Variants in WDPCP observed in about 807,000 individuals in gnomAD.
The protein encoded by WDPCP is WD repeat-containing and planar cell polarity effector protein fritz homolog.
Under a neutral mutation model 93.1 loss-of-function variants are expected in WDPCP, and 71 were observed. The ratio of observed to expected loss-of-function variants is 0.76; its 90% CI spans 0.63 to 0.93. The LOEUF (loss-of-function observed/expected upper bound fraction) is 0.93, where lower values mean the gene tolerates loss of function less well. WDPCP is among the 40% of genes least tolerant of loss of function. WDPCP has a pLI of 0.00. For missense variants in WDPCP, 844 were observed against 887.4 expected (o/e 0.95, Z 0.62); for synonymous variants, 315 against 315.0 (o/e 1.00, Z 0.00).
chr2:63,324,607 G>C lies in WDPCP; in HGVS notation c.1749-11296C>G, dbSNP rs1687383882. 2.0e-5 allele frequency among the ~76,000 whole-genome samples: 3 copies of C among 152,224 alleles called. No individual in the cohort carries two copies. The South Asian group carries it at 6.2e-4, about 32-fold the overall frequency. On this transcript the variant is annotated intron_variant, in intron 12 of 17. Transcript: ENST00000272321. The stretch of plus-strand genomic sequence containing the variant: ...TTGGAAAGATGTCATGCTTTTGTTA[G>C]ATCAAACCCTGGCCTTTAATGAAAA...
intron 6 of WDPCP, among the ~76,000 whole-genome samples, chr2:63,465,685 T>C (rs1699301141): frequency 1.3e-5 from 2 of 152,154 alleles, no homozygotes; most frequent in African/African-American, 2.4e-5. Flanking sequence ...TACTAACAAG[T>C]TGTGTGTACT....
intron 12 of WDPCP, among the ~76,000 whole-genome samples, chr2:63,353,912 T>G (rs544796839): frequency 8.3e-4 from 127 of 152,142 alleles, no homozygotes; most frequent in African/African-American, 3.0e-3. Context: ...TGGTTGCCCA[T>G]TCCCATATCT....
At chr2:63,569,130 T>C (rs555918438) in intron 1 of WDPCP, among the ~76,000 whole-genome samples, 3 of 152,256 alleles carry the variant, frequency 2.0e-5, no homozygotes, top group South Asian at 2.1e-4. Context: ...GAAAACAACA[T>C]AGATGACTCT....
chr2:63,467,488 A>G (rs1056463429), intron 6 of WDPCP, among the ~76,000 whole-genome samples: 1 of 151,306 alleles, frequency 6.6e-6, no homozygotes, highest in Non-Finnish European at 1.5e-5. Context: ...ACAAACAAAC[A>G]AAAGAAAATG....
intron 3 of WDPCP, chr2:63,643,587 G>A: frequency 4.6e-6 from 2 of 434,276 alleles, no homozygotes; most frequent in Non-Finnish European, 9.0e-6. Context: ...TCACCTTGAT[G>A]AGGGGATCAG....
chr2:63,243,071 G>A (rs997350500), intron 14 of WDPCP, among the ~76,000 whole-genome samples: 2 of 152,326 alleles, frequency 1.3e-5, no homozygotes, highest in African/African-American at 4.8e-5. Flanking sequence ...TTGTTTTACA[G>A]TAGCTTAGAC....
chr2:63,439,180 T>C (rs958459091), intron 7 of WDPCP, among the ~76,000 whole-genome samples: 2 of 152,176 alleles, frequency 1.3e-5, no homozygotes, highest in Non-Finnish European at 2.9e-5. Flanking sequence ...GTATCCTTCC[T>C]ATTCAATAAC....
intron 1 of WDPCP, among the ~76,000 whole-genome samples, chr2:63,561,425 C>T (rs780435242): frequency 6.6e-6 from 1 of 151,680 alleles, no homozygotes; most frequent in Non-Finnish European, 1.5e-5. Flanking sequence ...TTACAGTGAG[C>T]CAAGATCATG....
chr2:63,252,549 T>C (rs977348772), intron 14 of WDPCP, among the ~76,000 whole-genome samples: 1 of 152,210 alleles, frequency 6.6e-6, no homozygotes, highest in Non-Finnish European at 1.5e-5. Flanking sequence ...AGAAGACTCC[T>C]AGACCTGAAA....
chr2:63,599,403 A>G (rs1455322429), intron 3 of WDPCP: 7 of 1,060,172 alleles, frequency 6.6e-6, no homozygotes, highest in Non-Finnish European at 9.2e-6. Context: ...TTTGTTTAGT[A>G]GGAACCTATT....
chr2:63,811,240 C>T (rs1025017122), intron 2 of WDPCP, among the ~76,000 whole-genome samples: 3 of 152,216 alleles, frequency 2.0e-5, no homozygotes, highest in South Asian at 4.1e-4. Flanking sequence ...TCATACCTCT[C>T]TGAGTGTGGG....
chr2:63,723,055 A>C (rs934298382), intron 2 of WDPCP, among the ~76,000 whole-genome samples: 3 of 152,186 alleles, frequency 2.0e-5, no homozygotes, highest in Non-Finnish European at 4.4e-5. Flanking sequence ...GCGGTGCAAG[A>C]TGTGCTTTGT....
rs1053471602 is a variant in WDPCP, at chr2:63,471,946, T to A, written c.384+12658A>T. 2.4e-4 allele frequency among the ~76,000 whole-genome samples: 36 copies of A among 152,238 alleles called. 1 individual carries two copies. Among genetic ancestry groups the A allele is most frequent in the East Asian group, 5.8e-4 (3 of 5,188 alleles). On this transcript the variant is annotated intron_variant, in intron 6 of 17. Coordinates refer to ENST00000272321, the MANE Select transcript of WDPCP (RefSeq NM_015910.7). ...GAATGACAATTTAGAATTTTTTTTTTAATTATTATTATACTTTAAGTTTTA... is the reference window on the plus strand; with the variant it reads ...GAATGACAATTTAGAATTTTTTTTTAAATTATTATTATACTTTAAGTTTTA...
At chr2:63,314,848 G>A (rs1168365388) in intron 12 of WDPCP, among the ~76,000 whole-genome samples, 1 of 152,098 alleles carries the variant, frequency 6.6e-6, no homozygotes, top group Non-Finnish European at 1.5e-5. Context: ...TGTCTAACAT[G>A]TTCACTGAAA....
intron 12 of WDPCP, among the ~76,000 whole-genome samples, chr2:63,361,937 T>A (rs1234337316): frequency 1.3e-5 from 2 of 152,158 alleles, no homozygotes; most frequent in Non-Finnish European, 2.9e-5. Flanking sequence ...TCCCACTTTT[T>A]AAAAATTGAT....
chr2:63,295,131 T>C (rs561866117), intron 13 of WDPCP, among the ~76,000 whole-genome samples: 2 of 151,900 alleles, frequency 1.3e-5, no homozygotes, highest in African/African-American at 4.8e-5. Flanking sequence ...CCATGATAAC[T>C]GCAAAGAAAA....
In WDPCP at chr2:63,753,361, G is replaced by A. The variant is rs569475103; in HGVS notation, n.308+60261C>T. Among the ~76,000 whole-genome samples the A allele has an allele frequency of 1.3e-4, 20 of 152,228 alleles. No homozygotes were observed. The South Asian group carries it at 2.5e-3, about 19-fold the overall frequency. On this transcript the variant is annotated intron_variant and non_coding_transcript_variant, in intron 2 of 4. Transcript: ENST00000467687. ...GAAGGATCACTTGAACCCAGGAGGC[G>A]GAGGTTGCAGTGAGCCAAGATTGCG...
In WDPCP at chr2:63,119,674, T is replaced by C. The variant is rs958756487; in HGVS notation, c.*2332A>G. The stretch of plus-strand genomic sequence containing the variant: ...TCTGGAAAATAGTTGAAAAAGCTCA[T>C]GGGTCTATTCCTAAAGGACAACCTG... On this transcript the variant is annotated 3_prime_UTR_variant, in exon 18 of 18. Coordinates refer to ENST00000272321, the MANE Select transcript of WDPCP (RefSeq NM_015910.7). 2 of 152,194 alleles carry C rather than the reference T, an allele frequency of 1.3e-5. No individual in the cohort carries two copies. Among genetic ancestry groups the C allele is most frequent in the African/African-American group, 2.4e-5 (1 of 41,448 alleles). The allele number at this position is 152,194 out of a possible 1,614,324, so 9.4% of individuals were successfully genotyped here.
chr2:63,254,072 C>G (rs1039618532), intron 14 of WDPCP, among the ~76,000 whole-genome samples: 3 of 152,182 alleles, frequency 2.0e-5, no homozygotes, highest in African/African-American at 7.2e-5. Context: ...GAAATAACAT[C>G]CTTTGCAGCA....
Sources: allele counts gnomAD v4.1 joint callset (sites outside exome capture counted in the v4.1 genomes callset), GRCh38; gene constraint gnomAD v4.1.1; transcripts MANE v1.5; gene names NCBI Gene and HGNC (gene_info 2026-07-23, HGNC 2026-07-21).